TOR1AIP2: variants seen among roughly 807,000 people sequenced by gnomAD.
The protein encoded by TOR1AIP2 is torsin-1A-interacting protein 2.
TOR1AIP2 carries 20 observed loss-of-function variants against 32.6 expected under a neutral mutation model. The observed-to-expected ratio is 0.61, with a 90% CI of 0.43 to 0.89. TOR1AIP2 has a LOEUF of 0.89. TOR1AIP2 is among the 40% of genes least tolerant of loss of function. TOR1AIP2 has a pLI of 0.00. For missense variants in TOR1AIP2, 456 were observed against 553.8 expected, an observed-to-expected ratio of 0.82 and a Z score of 1.77; for synonymous variants, 214 against 210.8, an observed-to-expected ratio of 1.02 and a Z score of -0.13.
chr1:179,876,547 A>G (rs1404787456), intron 2 of TOR1AIP2, among the ~76,000 whole-genome samples: 1 of 152,184 alleles, frequency 6.6e-6, no homozygotes, highest in African/African-American at 2.4e-5. Context: ...TCTAATCCAC[A>G]CAAAGTCTTC....
chr1:179,867,321 G>A (rs768899821), intron 2 of TOR1AIP2, among the ~76,000 whole-genome samples: 1 of 152,154 alleles, frequency 6.6e-6, no homozygotes, highest in African/African-American at 2.4e-5. Flanking sequence ...CAGTTCCTCA[G>A]GCAGAGTGGA....
chr1:179,859,833 GT>G, intron 3 of TOR1AIP2: 1 of 985,224 alleles, frequency 1.0e-6, no homozygotes, highest in Admixed American at 6.2e-5. Context: ...GAAGTTTTTT[GT>G]TTTTGTTTTT....
chr1:179,867,595 C>T (rs1169185179), intron 2 of TOR1AIP2: 1 of 152,144 alleles, frequency 6.6e-6, no homozygotes, highest in East Asian at 1.9e-4. Flanking sequence ...GTAAATGCAA[C>T]AAGATACTAT....
Position 179,864,702 on chromosome 1 carries a change from G to T in TOR1AIP2, c.-147+734C>A, listed in dbSNP as rs1343660415. 6 of 1,506,316 alleles carry T rather than the reference G, an allele frequency of 4.0e-6. No individual in the cohort carries two copies. In the East Asian group the frequency reaches 1.1e-4, roughly 28 times the overall value. 93.3% of individuals were successfully genotyped at this position (1,506,316 alleles called of 1,614,324 possible). ...GTAGTGACAATCTGGGTCAGACTTA[G>T]AAATGAATTATTTTTCCATCTTCCT... On this transcript the variant is annotated intron_variant, in intron 3 of 6. Transcript: ENST00000609928.
At chr1:179,867,708 T>A (rs1696839790) in intron 2 of TOR1AIP2, 1 of 152,144 alleles carries the variant, frequency 6.6e-6, no homozygotes, top group Non-Finnish European at 1.5e-5. Flanking sequence ...GAGGACTCTA[T>A]TGGTAGGAGT....
chr1:179,850,372 A>T (rs1257586067), intron 5 of TOR1AIP2, among the ~76,000 whole-genome samples: 1 of 152,242 alleles, frequency 6.6e-6, no homozygotes, highest in Admixed American at 6.5e-5. Flanking sequence ...TCTTACTCAA[A>T]GTCCTATAAA....
At chr1:179,862,815 C>A in intron 3 of TOR1AIP2, 1 of 183,304 alleles carries the variant, frequency 5.5e-6, no homozygotes, top group Non-Finnish European at 1.0e-5. Context: ...GTAATCCCCA[C>A]TACTCAGGAG....
At chr1:179,852,552 T>C in intron 4 of TOR1AIP2, 80 bp downstream of exon 4, 1 of 1,445,120 alleles carries the variant, frequency 6.9e-7, no homozygotes, top group Non-Finnish European at 9.7e-7. Flanking sequence ...CCTCAGATTT[T>C]AGTCATCAGA....
intron 2 of TOR1AIP2, among the ~76,000 whole-genome samples, chr1:179,871,195 C>T (rs1696998450): frequency 6.6e-6 from 1 of 152,182 alleles, no homozygotes; most frequent in African/African-American, 2.4e-5. Context: ...TTCAAACCTC[C>T]TTCACTAAAA....
intron 4 of TOR1AIP2, among the ~76,000 whole-genome samples, chr1:179,852,249 C>T (rs986422374): frequency 3.3e-5 from 5 of 150,956 alleles, no homozygotes; most frequent in Non-Finnish European, 5.9e-5. Flanking sequence ...CACTGCACTC[C>T]AGCCTGGGTA....
At chr1:179,852,263 TAA>T (rs772686671) in intron 4 of TOR1AIP2, among the ~76,000 whole-genome samples, 22 of 89,376 alleles carry the variant, frequency 2.5e-4, no homozygotes, top group Non-Finnish European at 2.2e-4. Context: ...CTGGGTAACA[TAA>T]AAAAAAAAAA....
chr1:179,861,247 T>C, intron 3 of TOR1AIP2: 6 of 985,314 alleles, frequency 6.1e-6, no homozygotes, highest in Non-Finnish European at 6.0e-6. Flanking sequence ...TACAATTAAT[T>C]TTACCAACAC....
At chr1:179,867,416 C>CA (rs1696827461) in intron 2 of TOR1AIP2, 1 of 152,174 alleles carries the variant, frequency 6.6e-6, no homozygotes, top group African/African-American at 2.4e-5. Flanking sequence ...GGTCTGCTGA[C>CA]AAGAGCTACC....
chr1:179,861,791 C>T, intron 3 of TOR1AIP2: 2 of 985,158 alleles, frequency 2.0e-6, no homozygotes, highest in Non-Finnish European at 2.4e-6. Context: ...CATATTACTA[C>T]AGCATTTCTC....
chr1:179,860,221 G>A (rs1202563039), intron 3 of TOR1AIP2: 3 of 984,886 alleles, frequency 3.0e-6, no homozygotes, highest in Non-Finnish European at 3.6e-6. Context: ...GGCGGCTCAT[G>A]CCTATAATCC....
At chr1:179,854,466 G>A (rs527806688) in intron 3 of TOR1AIP2, among the ~76,000 whole-genome samples, 1 of 152,322 alleles carries the variant, frequency 6.6e-6, no homozygotes, top group East Asian at 1.9e-4. Context: ...GGTTTCTAGT[G>A]AAATGGAAAA....
intron 2 of TOR1AIP2, among the ~76,000 whole-genome samples, chr1:179,866,885 G>A (rs1473008476): frequency 6.6e-6 from 1 of 152,158 alleles, no homozygotes. Context: ...TGTAAATAAG[G>A]TGGGACAGTA....
chr1:179,870,766 G>C (rs1276143522), intron 2 of TOR1AIP2, among the ~76,000 whole-genome samples: 1 of 152,228 alleles, frequency 6.6e-6, no homozygotes, highest in African/African-American at 2.4e-5. Flanking sequence ...GAGTTGGAAA[G>C]ATCTGGATAT....
chr1:179,877,750 A>ATTC lies in TOR1AIP2; in HGVS notation c.-761_-759dup, dbSNP rs1647447531. ...TTAGTATCAGGAGAGCCCTTCGAGT[A>ATTC]TTCTCTCCGCTCCACACCGCTCGGC... is the stretch of plus-strand genomic sequence containing the variant. On this transcript the variant is annotated 5_prime_UTR_variant, in exon 1 of 7. Transcript: ENST00000609928. 1 of 152,186 alleles carries ATTC rather than the reference A, an allele frequency of 6.6e-6. No homozygotes were observed. The highest frequency in any genetic ancestry group is 1.5e-5 in the Non-Finnish European group (1 of 68,032). The allele number at this position is 152,186 out of a possible 1,614,324, so 9.4% of individuals were successfully genotyped here. A position where few individuals can be genotyped will look rare whatever the true frequency, so the allele number is the denominator to read the frequency against.
Sources: gnomAD v4.1 joint callset for allele counts (sites outside exome capture counted in the v4.1 genomes callset) on GRCh38, gnomAD v4.1.1 for gene constraint, MANE v1.5 for transcripts, NCBI Gene and HGNC (gene_info 2026-07-23, HGNC 2026-07-21) for gene names.